SLC24A2: variants seen among roughly 807,000 people sequenced by gnomAD.
SLC24A2 encodes the protein sodium/potassium/calcium exchanger 2.
In SLC24A2, 36 loss-of-function variants were observed where a neutral mutation model predicts 62.0. That is an observed-to-expected ratio of 0.58 (90% CI 0.44 to 0.77). The LOEUF is 0.77. SLC24A2 is among the 30% of genes least tolerant of loss of function. The probability of loss-of-function intolerance (pLI) is 0.00; values close to 1 mark genes in which losing one functional copy is unlikely to be tolerated. For synonymous variants in SLC24A2, 358 were observed against 294.0 expected (o/e 1.22, Z -2.23); for missense variants, 846 against 817.9 (o/e 1.03, Z -0.42).
upstream of SLC24A2, among the ~76,000 whole-genome samples, chr9:19,793,165 G>A (rs1242315876): frequency 6.6e-6 from 1 of 152,198 alleles, no homozygotes; most frequent in South Asian, 2.1e-4. Context: ...GGAGGATGTA[G>A]GTTATGTTAT....
intron 4 of SLC24A2, among the ~76,000 whole-genome samples, chr9:19,602,736 T>C (rs1193491284): frequency 6.6e-6 from 1 of 152,224 alleles, no homozygotes; most frequent in Non-Finnish European, 1.5e-5. Flanking sequence ...ACCTGTGTGG[T>C]CTTGGGTAAA....
the SLC24A2 span, among the ~76,000 whole-genome samples, chr9:20,120,776 T>C: frequency 6.6e-6 from 1 of 152,132 alleles, no homozygotes; most frequent in Non-Finnish European, 1.5e-5. Flanking sequence ...GGAGATTTTA[T>C]AGACTTATGA....
chr9:20,014,353 T>C, the SLC24A2 span, among the ~76,000 whole-genome samples: 1 of 152,054 alleles, frequency 6.6e-6, no homozygotes, highest in African/African-American at 2.4e-5. Context: ...AACTACCGTA[T>C]GACCCAGTAA....
chr9:19,835,024 C>T, the SLC24A2 span, among the ~76,000 whole-genome samples: 2 of 152,090 alleles, frequency 1.3e-5, no homozygotes, highest in Non-Finnish European at 2.9e-5. Context: ...CAAGCAAATG[C>T]TGAGAGATTT....
the SLC24A2 span, among the ~76,000 whole-genome samples, chr9:20,280,219 G>A: frequency 6.6e-6 from 1 of 152,206 alleles, no homozygotes; most frequent in Admixed American, 6.5e-5. Context: ...TGGCTCAGGT[G>A]GCTCCAGTGT....
chr9:19,531,223 A>C (rs1312356536), intron 8 of SLC24A2, among the ~76,000 whole-genome samples: 3 of 152,160 alleles, frequency 2.0e-5, no homozygotes, highest in Admixed American at 6.5e-5. Context: ...TTCACACCCC[A>C]GGTAATCACT....
At chr9:19,535,363 C>A (rs1833909719) in intron 8 of SLC24A2, among the ~76,000 whole-genome samples, 2 of 152,136 alleles carry the variant, frequency 1.3e-5, no homozygotes, top group Admixed American at 6.5e-5. Flanking sequence ...TTAATGAGAT[C>A]CCAGTTGCCA....
intron 5 of SLC24A2, among the ~76,000 whole-genome samples, chr9:19,582,791 A>G (rs193222310): frequency 6.5e-4 from 99 of 152,216 alleles, no homozygotes; most frequent in African/African-American, 2.2e-3. Flanking sequence ...TCATGAAGTT[A>G]TCCTGGGCTC....
the SLC24A2 span, among the ~76,000 whole-genome samples, chr9:20,117,104 C>T: frequency 6.6e-6 from 1 of 152,102 alleles, no homozygotes; most frequent in Admixed American, 6.6e-5. Context: ...CTGAGAGCCC[C>T]ACCGACTACG....
chr9:19,637,517 A>C (rs1028420192), intron 2 of SLC24A2, among the ~76,000 whole-genome samples: 4 of 152,172 alleles, frequency 2.6e-5, no homozygotes, highest in Non-Finnish European at 5.9e-5. Flanking sequence ...AAGCAGAAGA[A>C]CCCAAAACAA....
At chr9:19,783,396 G>A (rs894177333) in intron 2 of SLC24A2, among the ~76,000 whole-genome samples, 6 of 152,164 alleles carry the variant, frequency 3.9e-5, no homozygotes, top group African/African-American at 1.4e-4. Context: ...TCTCTAGGAA[G>A]ACTCCACTGA....
Position 19,786,087 on chromosome 9 carries a change from G to T in SLC24A2, c.780C>A (p.Val260=), listed in dbSNP as rs376350531. The stretch of plus-strand genomic sequence containing the variant: ...GAAGCAAGCTTTCCCACCACATGAT[G>T]ACATTATCCAGGAAAAATATGATCA... The part of the protein sequence containing the change: ...IMLIIFFLDN[V]IMWWESLLLL... The change falls in exon 2 of 11, where the codon GTC becomes GTA. Residue 260 remains valine, a synonymous_variant. Coordinates refer to ENST00000341998, the MANE Select transcript of SLC24A2 (RefSeq NM_020344.4). This position sits in a 1 kb window ranked among gnomAD's most constrained non-coding sequence, Gnocchi z 5.0. 9 of 1,614,026 alleles carry T rather than the reference G, an allele frequency of 5.6e-6. No individual in the cohort carries two copies. In the African/African-American group the frequency reaches 1.2e-4, roughly 22 times the overall value.
chr9:19,650,808 A>C (rs948274648), intron 2 of SLC24A2, among the ~76,000 whole-genome samples: 1 of 140,522 alleles, frequency 7.1e-6, no homozygotes, highest in Non-Finnish European at 1.5e-5. Flanking sequence ...CAGGCATTGT[A>C]AACATCAGCT....
the SLC24A2 span, among the ~76,000 whole-genome samples, chr9:20,130,602 A>C: frequency 3.3e-5 from 5 of 152,242 alleles, no homozygotes; most frequent in African/African-American, 1.2e-4. Context: ...GAAATGTAGG[A>C]AATAGGAAAT....
chr9:20,268,760 C>G, the SLC24A2 span, among the ~76,000 whole-genome samples: 1 of 152,202 alleles, frequency 6.6e-6, no homozygotes. Flanking sequence ...ATTCAGGCAT[C>G]CTTCCAGGGC....
At chr9:20,029,018 G>A in the SLC24A2 span, among the ~76,000 whole-genome samples, 2 of 152,126 alleles carry the variant, frequency 1.3e-5, no homozygotes, top group African/African-American at 4.8e-5. Context: ...TGAAAGTTTG[G>A]GTGAACCTCT....
the SLC24A2 span, among the ~76,000 whole-genome samples, chr9:20,093,231 C>T: frequency 2.0e-5 from 3 of 151,784 alleles, no homozygotes; most frequent in Non-Finnish European, 4.4e-5. Flanking sequence ...CACGACCACA[C>T]CTGGCTAATT....
At chr9:19,626,787 C>G (rs961297117) in intron 2 of SLC24A2, among the ~76,000 whole-genome samples, 6 of 152,052 alleles carry the variant, frequency 3.9e-5, no homozygotes, top group Non-Finnish European at 8.8e-5. Context: ...TTTCCTTTTT[C>G]TTTCAATACA....
chr9:20,212,428 A>G, the SLC24A2 span, among the ~76,000 whole-genome samples: 1 of 151,834 alleles, frequency 6.6e-6, no homozygotes, highest in Non-Finnish European at 1.5e-5. Context: ...AAGCGGACAG[A>G]TCACTTGAGG....
Sources: allele counts gnomAD v4.1 joint callset (sites outside exome capture counted in the v4.1 genomes callset), GRCh38; gene constraint gnomAD v4.1.1; non-coding constraint Gnocchi (gnomAD v3.1); transcripts MANE v1.5; gene names NCBI Gene and HGNC (gene_info 2026-07-23, HGNC 2026-07-21).